CCT2: variants seen among roughly 807,000 people sequenced by gnomAD.
CCT2 encodes chaperonin containing TCP1 subunit 2, also known as T-complex protein 1 subunit beta.
CCT2 carries 18 observed loss-of-function variants against 61.8 expected under a neutral mutation model. The ratio of observed to expected loss-of-function variants is 0.29; its 90% CI spans 0.20 to 0.43. The LOEUF is 0.43. Among genes scored for constraint, CCT2 ranks in the 20% least tolerant of loss-of-function variants. The probability of loss-of-function intolerance (pLI) is 1.00; values close to 1 mark genes in which losing one functional copy is unlikely to be tolerated. For missense variants in CCT2, 556 were observed against 656.9 expected, an observed-to-expected ratio of 0.85 and a Z score of 1.68; for synonymous variants, 248 against 215.9, an observed-to-expected ratio of 1.15 and a Z score of -1.30.
rs756899750 is a variant in CCT2, at chr12:69,593,510, G to A, written c.879G>A (p.Arg293=). 4.4e-6 allele frequency: 7 copies of A among 1,585,372 alleles called. No homozygotes were observed. The East Asian group carries it at 9.0e-5, about 20-fold the overall frequency. ...LKHGINCFIN[R]QLIYNYPEQL... ...ATGTTTTCATGTATTTTATTTACAGGCAATTAATTTATAATTATCCTGAAC... is the reference window on the plus strand; with the variant it reads ...ATGTTTTCATGTATTTTATTTACAGACAATTAATTTATAATTATCCTGAAC... The change falls in exon 10 of 16, where the codon AGG becomes AGA. Residue 293 remains arginine, a splice_region_variant and synonymous_variant. Coordinates refer to ENST00000299300, the MANE Select transcript of CCT2 (RefSeq NM_006431.3).
intron 10 of CCT2, among the ~76,000 whole-genome samples, chr12:69,593,958 C>T (rs898396894): frequency 6.6e-6 from 1 of 151,060 alleles, no homozygotes; most frequent in Non-Finnish European, 1.5e-5. Context: ...GGCAACATTG[C>T]GAACCCACAT....
Position 69,585,472 on chromosome 12 carries a change from C to G in CCT2, c.-50C>G, listed in dbSNP as rs562630091. 47 of 1,554,168 alleles carry G rather than the reference C, an allele frequency of 3.0e-5. No homozygotes were observed. The highest frequency in any genetic ancestry group is 4.7e-5 in the South Asian group (4 of 84,262). On this transcript the variant is annotated 5_prime_UTR_variant, in exon 1 of 16. Transcript: ENST00000299300. ...CCGGCTTCCTTCAGTCCGCTGGTCC[C>G]GAGCACGAGCTGTGAGGGGATTCAC...
At position 69,593,069 on chromosome 12, in the gene CCT2, A is replaced by G. The variant is rs766774842; in HGVS notation, c.844A>G (p.Ile282Val). Reference sequence around the variant, plus strand: ...AAAAATGAAGGAGAAAGTTGAACGTATTCTTAAGCATGGAATAAATTGCTT... The same window carrying G: ...AAAAATGAAGGAGAAAGTTGAACGTGTTCTTAAGCATGGAATAAATTGCTT... ...KEKMKEKVER[I>V]LKHGINCFIN... Residue 282 changes from isoleucine to valine, a missense_variant, in exon 9 of 16, where the codon ATT becomes GTT. This residue lies in a region of CCT2 where 308 missense variants were observed against 350.6 expected (regional missense o/e 0.88). Coordinates refer to ENST00000299300, the MANE Select transcript of CCT2 (RefSeq NM_006431.3). 2.4e-5 allele frequency: 38 copies of G among 1,613,546 alleles called. No homozygotes were observed. The highest frequency in any genetic ancestry group is 3.1e-5 in the Non-Finnish European group (36 of 1,179,616).
chr12:69,594,750 G>A (rs753971667), intron 10 of CCT2, among the ~76,000 whole-genome samples: 16 of 151,918 alleles, frequency 1.1e-4, no homozygotes, highest in Admixed American at 2.0e-4. Context: ...GGGAGGTTGA[G>A]GCAGGAGATC....
intron 15 of CCT2, among the ~76,000 whole-genome samples, chr12:69,601,012 T>C (rs561673961): frequency 6.6e-6 from 1 of 152,268 alleles, no homozygotes; most frequent in Admixed American, 6.5e-5. Flanking sequence ...GCTGAGTGGC[T>C]AGCTCAGGTC....
At chr12:69,592,191 T>G (rs758431864) in intron 8 of CCT2, 32 bp downstream of exon 8, 8 of 1,283,386 alleles carry the variant, frequency 6.2e-6, no homozygotes, top group Non-Finnish European at 9.0e-6. Context: ...AAATTAAAAT[T>G]ACTGCCCAGG....
intron 10 of CCT2, among the ~76,000 whole-genome samples, chr12:69,593,959 G>A (rs1347233361): frequency 2.7e-5 from 4 of 150,822 alleles, no homozygotes; most frequent in African/African-American, 9.7e-5. Context: ...GCAACATTGC[G>A]AACCCACATC....
At chr12:69,585,616 T>A (rs1881622820) in intron 1 of CCT2, 92 bp downstream of exon 1, 2 of 1,546,012 alleles carry the variant, frequency 1.3e-6, no homozygotes, top group Non-Finnish European at 1.8e-6. Flanking sequence ...GGTCGTAGGC[T>A]CCGTTTCTGT....
In CCT2 at chr12:69,601,506, A is replaced by G. The variant is rs987418518; in HGVS notation, c.*181A>G. ...TTATTTGCCGTGTCATTTTCCATAC[A>G]AATCAGTTGATTTAAAAAAGTTCAT... is the stretch of plus-strand genomic sequence containing the variant. On this transcript the variant is annotated 3_prime_UTR_variant, in exon 16 of 16. Coordinates refer to ENST00000299300, the MANE Select transcript of CCT2 (RefSeq NM_006431.3). The G allele has an allele frequency of 4.2e-6, 6 of 1,445,716 alleles. No individual in the cohort carries two copies. The highest frequency in any genetic ancestry group is 5.5e-6 in the Non-Finnish European group (6 of 1,100,710). 89.6% of individuals were successfully genotyped at this position (1,445,716 alleles called of 1,614,324 possible).
chr12:69,593,072 C>G lies in CCT2; in HGVS notation c.847C>G (p.Leu283Val). ...EKMKEKVERI[L>V]KHGINCFINR... The stretch of plus-strand genomic sequence containing the variant: ...AATGAAGGAGAAAGTTGAACGTATT[C>G]TTAAGCATGGAATAAATTGCTTTAT... Residue 283 changes from leucine (L) to valine (V), a missense_variant, in exon 9 of 16, where the codon CTT becomes GTT. Leu to Val is a conservative substitution (Grantham distance 32). Coordinates refer to ENST00000299300, the MANE Select transcript of CCT2 (RefSeq NM_006431.3). 1.2e-6 allele frequency: 2 copies of G among 1,613,370 alleles called. No homozygotes were observed. Among genetic ancestry groups the G allele is most frequent in the Non-Finnish European group, 1.7e-6 (2 of 1,179,454 alleles).
At chr12:69,587,228 ATAATT>A (rs1160368942) in intron 3 of CCT2, 2 of 368,344 alleles carry the variant, frequency 5.4e-6, no homozygotes, top group Non-Finnish European at 9.6e-6. Flanking sequence ...TAATTATTTT[ATAATT>A]TAATTATGGC....
At chr12:69,587,216 CTTAA>C in intron 3 of CCT2, 2 of 358,076 alleles carry the variant, frequency 5.6e-6, no homozygotes, top group Non-Finnish European at 9.9e-6. Context: ...TATCCTGTAC[CTTAA>C]TTATTTTATA....
In CCT2 at chr12:69,592,716, A is replaced by C. The variant is rs200377246; in HGVS notation, c.751-260A>C. ...CAGGCGGGCGGATCACAAGGTCAGGAGTTCAAGGCCAGACTGACCAATGTG... is the reference window on the plus strand; with the variant it reads ...CAGGCGGGCGGATCACAAGGTCAGGCGTTCAAGGCCAGACTGACCAATGTG... On this transcript the variant is annotated intron_variant, in intron 8 of 15. Transcript: ENST00000299300. 5 of 295,710 alleles carry C rather than the reference A, an allele frequency of 1.7e-5. No individual in the cohort carries two copies. The East Asian group carries it at 3.8e-4, about 23-fold the overall frequency. 18.3% of individuals were successfully genotyped at this position (295,710 alleles called of 1,614,324 possible).
chr12:69,587,337 A>G (rs1881696096), intron 3 of CCT2, among the ~76,000 whole-genome samples, 168 bp from the exon 4 acceptor site: 1 of 152,170 alleles, frequency 6.6e-6, no homozygotes, highest in African/African-American at 2.4e-5. Context: ...AGGGGTAGAT[A>G]CATGGTTTGG....
intron 2 of CCT2, 117 bp downstream of exon 2, chr12:69,586,461 A>G: frequency 1.3e-6 from 1 of 748,912 alleles, no homozygotes; most frequent in Non-Finnish European, 2.3e-6. Flanking sequence ...TGAGGTCAGG[A>G]GTTCGAGACC....
At chr12:69,585,855 G>A (rs2135847729) in intron 1 of CCT2, 1 of 1,310,604 alleles carries the variant, frequency 7.6e-7, no homozygotes, top group South Asian at 1.8e-5. Context: ...AGCCTGGAGC[G>A]ACGGGGTCTG....
chr12:69,595,735 A>G (rs1472433734), intron 10 of CCT2, among the ~76,000 whole-genome samples: 3 of 151,722 alleles, frequency 2.0e-5, no homozygotes, highest in African/African-American at 7.3e-5. Flanking sequence ...GTAATAATAT[A>G]TTGATGGGAT....
Position 69,585,491 on chromosome 12 carries a change from G to C in CCT2, c.-31G>C, listed in dbSNP as rs773761894. The stretch of plus-strand genomic sequence containing the variant: ...TGGTCCCGAGCACGAGCTGTGAGGG[G>C]ATTCACTTGTGTGCGGAACTCCTCG... On this transcript the variant is annotated 5_prime_UTR_variant, in exon 1 of 16. Transcript: ENST00000299300. 2.2e-5 allele frequency: 34 copies of C among 1,561,324 alleles called. No homozygotes were observed. Among genetic ancestry groups the C allele is most frequent in the Non-Finnish European group, 2.6e-5 (30 of 1,151,910 alleles).
At chr12:69,600,378 T>G (rs917958180) in intron 15 of CCT2, among the ~76,000 whole-genome samples, 1 of 152,324 alleles carries the variant, frequency 6.6e-6, no homozygotes, top group East Asian at 1.9e-4. Context: ...CTCCCAGAAA[T>G]CTTCACAAGA....
Sources: allele counts gnomAD v4.1 joint callset (sites outside exome capture counted in the v4.1 genomes callset), GRCh38; gene constraint gnomAD v4.1.1; regional missense constraint gnomAD v4.1.1; transcripts MANE v1.5; gene names NCBI Gene and HGNC (gene_info 2026-07-23, HGNC 2026-07-21).